LRRTM4: variants seen among roughly 807,000 people sequenced by gnomAD.
The protein encoded by LRRTM4 is leucine-rich repeat transmembrane neuronal protein 4.
Under a neutral mutation model 47.6 loss-of-function variants are expected in LRRTM4, and 25 were observed. The ratio of observed to expected loss-of-function variants is 0.53; its 90% confidence interval spans 0.38 to 0.73. The LOEUF (loss-of-function observed/expected upper bound fraction) is 0.73, where lower values mean the gene tolerates loss of function less well. Among genes scored for constraint, LRRTM4 ranks in the 30% least tolerant of loss-of-function variants. The pLI is 0.00. For missense variants in LRRTM4, 638 were observed against 713.4 expected, an observed-to-expected ratio of 0.89 and a Z score of 1.20; for synonymous variants, 311 against 269.5, an observed-to-expected ratio of 1.15 and a Z score of -1.51.
intron 3 of LRRTM4, among the ~76,000 whole-genome samples, chr2:77,494,888 T>C (rs1227351994): frequency 6.6e-6 from 1 of 152,132 alleles, no homozygotes; most frequent in African/African-American, 2.4e-5. Flanking sequence ...AAAATATTCA[T>C]GGAATCATAC....
chr2:77,382,604 T>C (rs1673104911), intron 3 of LRRTM4, among the ~76,000 whole-genome samples: 1 of 152,116 alleles, frequency 6.6e-6, no homozygotes, highest in African/African-American at 2.4e-5. Context: ...TATTTTCCTA[T>C]TGTCTGCTTC....
At chr2:76,835,270 G>A (rs1252305197) in intron 3 of LRRTM4, among the ~76,000 whole-genome samples, 2 of 149,956 alleles carry the variant, frequency 1.3e-5, no homozygotes, top group Non-Finnish European at 3.0e-5. Context: ...ATATAGCCCT[G>A]AGAGAAAAAA....
At chr2:77,141,501 T>C (rs1487594327) in intron 3 of LRRTM4, among the ~76,000 whole-genome samples, 1 of 151,018 alleles carries the variant, frequency 6.6e-6, no homozygotes, top group African/African-American at 2.4e-5. Flanking sequence ...GGGATAGCAT[T>C]AGCAGATATA....
chr2:76,926,344 T>A (rs1355522823), intron 3 of LRRTM4, among the ~76,000 whole-genome samples: 1 of 151,976 alleles, frequency 6.6e-6, no homozygotes, highest in African/African-American at 2.4e-5. Flanking sequence ...TCAACAATAG[T>A]ACCATATCAC....
intron 3 of LRRTM4, among the ~76,000 whole-genome samples, chr2:76,914,959 C>T (rs1653556915): frequency 6.6e-6 from 1 of 152,182 alleles, no homozygotes; most frequent in African/African-American, 2.4e-5. Flanking sequence ...AATGGTACTC[C>T]TTTTCTTTGT....
At chr2:76,993,626 GAGA>G in intron 3 of LRRTM4, among the ~76,000 whole-genome samples, 1 of 152,058 alleles carries the variant, frequency 6.6e-6, no homozygotes, top group Admixed American at 6.6e-5. Flanking sequence ...TGAGTCTACA[GAGA>G]AGAAGGAATG....
chr2:77,418,638 C>T (rs897387590), intron 3 of LRRTM4, among the ~76,000 whole-genome samples: 2 of 152,162 alleles, frequency 1.3e-5, no homozygotes, highest in East Asian at 3.9e-4. Flanking sequence ...TCACCTTCTG[C>T]TTTTCTTCAT....
At chr2:77,178,339 G>A (rs901677392) in intron 3 of LRRTM4, among the ~76,000 whole-genome samples, 1 of 152,116 alleles carries the variant, frequency 6.6e-6, no homozygotes, top group African/African-American at 2.4e-5. Context: ...TGTAATCCCA[G>A]CACTTTAGGA....
At chr2:77,141,308 C>T (rs1286056101) in intron 3 of LRRTM4, among the ~76,000 whole-genome samples, 1 of 152,076 alleles carries the variant, frequency 6.6e-6, no homozygotes, top group Non-Finnish European at 1.5e-5. Context: ...AGGATGAGTT[C>T]GTGTCCTCTG....
At chr2:77,207,866 CTTTTT>C (rs754540782) in intron 3 of LRRTM4, among the ~76,000 whole-genome samples, 4 of 42,614 alleles carry the variant, frequency 9.4e-5, no homozygotes, top group Admixed American at 3.8e-4. Flanking sequence ...GGGAAAGTGG[CTTTTT>C]TTTTTTTTTT....
chr2:76,882,185 A>T (rs906932660), intron 3 of LRRTM4, among the ~76,000 whole-genome samples: 17 of 152,108 alleles, frequency 1.1e-4, no homozygotes. Context: ...AGTGATGTCT[A>T]TATAAGATAT....
At chr2:76,935,679 T>C (rs1674922505) in intron 3 of LRRTM4, among the ~76,000 whole-genome samples, 1 of 152,224 alleles carries the variant, frequency 6.6e-6, no homozygotes, top group African/African-American at 2.4e-5. Flanking sequence ...TTTATGATTT[T>C]TGTACATTGA....
chr2:77,247,754 A>G (rs2104005762), intron 3 of LRRTM4, among the ~76,000 whole-genome samples: 1 of 152,184 alleles, frequency 6.6e-6, no homozygotes, highest in South Asian at 2.1e-4. Flanking sequence ...CCTAGGAAAC[A>G]CTAAAGAAAA....
chr2:76,927,518 C>T (rs1674625756), intron 3 of LRRTM4, among the ~76,000 whole-genome samples: 2 of 152,072 alleles, frequency 1.3e-5, no homozygotes, highest in African/African-American at 4.8e-5. Flanking sequence ...GATGTTGGTT[C>T]TCGGAGCTAC....
chr2:77,452,328 C>G (rs1227453522), intron 3 of LRRTM4, among the ~76,000 whole-genome samples: 2 of 151,986 alleles, frequency 1.3e-5, no homozygotes, highest in Non-Finnish European at 2.9e-5. Flanking sequence ...GGTGGTGGAA[C>G]CAACAGGACT....
chr2:77,217,214 C>A (rs1674473262), intron 3 of LRRTM4, among the ~76,000 whole-genome samples: 1 of 151,156 alleles, frequency 6.6e-6, no homozygotes, highest in African/African-American at 2.4e-5. Flanking sequence ...TGTTGACAAC[C>A]ATTTTATCCT....
At chr2:76,762,927 C>G (rs1246736738) in intron 3 of LRRTM4, among the ~76,000 whole-genome samples, 1 of 152,166 alleles carries the variant, frequency 6.6e-6, no homozygotes, top group African/African-American at 2.4e-5. Context: ...TGTCTTTTCA[C>G]TTCTATCCCC....
chr2:77,067,371 A>G (rs1679989908), intron 3 of LRRTM4, among the ~76,000 whole-genome samples: 1 of 152,076 alleles, frequency 6.6e-6, no homozygotes, highest in African/African-American at 2.4e-5. Flanking sequence ...GTACCCCTAG[A>G]TAATAAAACC....
chr2:77,342,853 A>ATG (rs149478726), intron 3 of LRRTM4, among the ~76,000 whole-genome samples: 76,235 of 151,510 alleles, frequency 0.5, 22,629 homozygotes, highest in Non-Finnish European at 0.67. Flanking sequence ...GGCAGGTTCA[A>ATG]ACTGAGGACT....
Sources: gnomAD v4.1 joint callset for allele counts (sites outside exome capture counted in the v4.1 genomes callset) on GRCh38, gnomAD v4.1.1 for gene constraint, MANE v1.5 for transcripts, NCBI Gene and HGNC (gene_info 2026-07-23, HGNC 2026-07-21) for gene names.